Variants in TCF7L2 observed in about 807,000 individuals in gnomAD.
TCF7L2 encodes the protein transcription factor 7-like 2.
Under a neutral mutation model 77.9 loss-of-function variants are expected in TCF7L2, and 23 were observed. The observed-to-expected ratio is 0.30, with a 90% CI of 0.21 to 0.42. The LOEUF is 0.42. Ranked by LOEUF, TCF7L2 falls within the 10% of genes least tolerant of loss-of-function variation. TCF7L2 has a pLI of 1.00. For missense variants in TCF7L2, 654 were observed against 793.1 expected (o/e 0.82, Z 2.11); for synonymous variants, 413 against 340.2 (o/e 1.21, Z -2.36).
At chr10:112,979,889 A>C (rs1481526407) in intron 4 of TCF7L2, among the ~76,000 whole-genome samples, 1 of 152,248 alleles carries the variant, frequency 6.6e-6, no homozygotes, top group East Asian at 1.9e-4. Flanking sequence ...AGAAAATTTA[A>C]ATTAGCATCT....
intron 11 of TCF7L2, among the ~76,000 whole-genome samples, chr10:113,155,768 G>A (rs531928634): frequency 3.9e-5 from 6 of 152,144 alleles, no homozygotes; most frequent in Non-Finnish European, 8.8e-5. Context: ...AACTAGGCCC[G>A]CCTGCCTGTT....
At position 112,964,581 on chromosome 10, in the gene TCF7L2, A is replaced by G. The variant is rs372192243; in HGVS notation, c.407A>G (p.His136Arg). ...CTCCATTTTCAGTCCGGCAGCACAC[A>G]TTACTCTGCGTACAAAACGATTGAA... Residue 136 changes from histidine to arginine, a missense_variant, in exon 4 of 14, where the codon CAT becomes CGT. By Grantham distance (29) the His-to-Arg change is conservative. This residue lies in a region of TCF7L2 where 132 missense variants were observed against 123.7 expected (regional missense o/e 1.07). Transcript: ENST00000627217. The G allele has an allele frequency of 1.9e-5, 30 of 1,613,468 alleles. No individual in the cohort carries two copies. The highest frequency in any genetic ancestry group is 2.7e-5 in the African/African-American group (2 of 74,906).
chr10:113,020,440 G>A (rs536841078), intron 4 of TCF7L2, among the ~76,000 whole-genome samples: 29 of 152,174 alleles, frequency 1.9e-4, no homozygotes, highest in East Asian at 5.8e-4. Context: ...TGCAGAGCTC[G>A]GCTCCTGTTC....
rs143411121 is a variant in TCF7L2 at position 113,165,951 on chromosome 10, C to A, written c.1788C>A (p.Leu596=). The change falls in exon 14 of 14, where the codon CTC becomes CTA. Residue 596 remains leucine (L), a synonymous_variant. Coordinates refer to ENST00000627217, the MANE Select transcript of TCF7L2 (RefSeq NM_001146274.2). ...GGACCCAGCCCCAGCCGCTGTCGCT[C>A]GTCACCAAGTCTTTAGAATAGCTTT... 6.5e-7 allele frequency: 1 copy of A among 1,536,292 alleles called. No homozygotes were observed. Among genetic ancestry groups the A allele is most frequent in the African/African-American group, 1.4e-5 (1 of 72,226 alleles).
chr10:112,988,081 G>T (rs988356769), intron 4 of TCF7L2, among the ~76,000 whole-genome samples: 2 of 148,188 alleles, frequency 1.3e-5, no homozygotes, highest in Non-Finnish European at 3.0e-5. Flanking sequence ...TCAGAGGAGG[G>T]TGTTTGGGAC....
At chr10:112,956,197 C>T (rs2033547355) in intron 3 of TCF7L2, among the ~76,000 whole-genome samples, 2 of 152,018 alleles carry the variant, frequency 1.3e-5, no homozygotes, top group Non-Finnish European at 2.9e-5. Flanking sequence ...GGACCTTTCC[C>T]CCAGCTGTCT....
At chr10:113,030,611 C>A (rs1177485493) in intron 4 of TCF7L2, among the ~76,000 whole-genome samples, 2 of 152,192 alleles carry the variant, frequency 1.3e-5, no homozygotes, top group Non-Finnish European at 2.9e-5. Flanking sequence ...TCTGGCCTGC[C>A]TCTTAGTGGG....
chr10:113,091,577 C>T (rs765047815), intron 5 of TCF7L2, among the ~76,000 whole-genome samples: 11 of 152,212 alleles, frequency 7.2e-5, no homozygotes, highest in South Asian at 2.1e-4. Context: ...ATTAGCCAGG[C>T]GTGGTGGCGC....
chr10:113,096,300 A>T (rs2060966629), intron 5 of TCF7L2, among the ~76,000 whole-genome samples: 1 of 152,126 alleles, frequency 6.6e-6, no homozygotes, highest in Non-Finnish European at 1.5e-5. Context: ...ATGGAGAGGA[A>T]CCATATTTCA....
chr10:113,145,724 G>T (rs1035546632), intron 7 of TCF7L2, among the ~76,000 whole-genome samples: 1 of 152,132 alleles, frequency 6.6e-6, no homozygotes, highest in Admixed American at 6.5e-5. Context: ...GCGAGACTTC[G>T]CCTTTAATTA....
intron 7 of TCF7L2, 139 bp from the exon 8 acceptor site, chr10:113,145,872 G>A: frequency 2.8e-6 from 2 of 709,154 alleles, no homozygotes; most frequent in Admixed American, 2.4e-5. Flanking sequence ...GATCCTTCCT[G>A]TACAATCCCC....
At chr10:113,091,088 G>A (rs1449546198) in intron 5 of TCF7L2, among the ~76,000 whole-genome samples, 1 of 152,082 alleles carries the variant, frequency 6.6e-6, no homozygotes, top group African/African-American at 2.4e-5. Flanking sequence ...TTTTAATAGA[G>A]ACAGGGTTTT....
intron 5 of TCF7L2, among the ~76,000 whole-genome samples, chr10:113,082,839 A>C (rs781303310): frequency 6.6e-6 from 1 of 152,046 alleles, no homozygotes; most frequent in Non-Finnish European, 1.5e-5. Context: ...GTCATCCAGC[A>C]GCCAGCATCC....
intron 5 of TCF7L2, among the ~76,000 whole-genome samples, chr10:113,052,978 ATCTGAT>A (rs1359854308): frequency 1.3e-5 from 2 of 152,314 alleles, no homozygotes; most frequent in Non-Finnish European, 1.5e-5. Context: ...GAACTTCTTT[ATCTGAT>A]TCTTTTTTTG....
intron 5 of TCF7L2, among the ~76,000 whole-genome samples, chr10:113,060,719 T>G (rs1216765814): frequency 6.6e-6 from 1 of 151,996 alleles, no homozygotes. Context: ...GATGCGGAAG[T>G]GTAAATTGGT....
At chr10:113,119,396 T>C (rs1202313849) in intron 5 of TCF7L2, among the ~76,000 whole-genome samples, 1 of 152,206 alleles carries the variant, frequency 6.6e-6, no homozygotes, top group Non-Finnish European at 1.5e-5. Flanking sequence ...TATGCTGTTT[T>C]GAGTTTGAAA....
At position 113,119,543 on chromosome 10, in the gene TCF7L2, T is replaced by C. The variant is rs1056742339; in HGVS notation, c.553-21641T>C. Reference sequence around the variant, plus strand: ...AATCCCTCCCTGAATAAAGAAACCATGTTGGCACTAAGATCAGTCCTTGAA... The same window carrying C: ...AATCCCTCCCTGAATAAAGAAACCACGTTGGCACTAAGATCAGTCCTTGAA... On this transcript the variant is annotated intron_variant, in intron 5 of 13. Transcript: ENST00000627217. Among the ~76,000 whole-genome samples the C allele has an allele frequency of 1.7e-4, 26 of 152,090 alleles. 1 individual carries two copies. Among genetic ancestry groups the C allele is most frequent in the Non-Finnish European group, 3.5e-4 (24 of 68,036 alleles).
intron 4 of TCF7L2, among the ~76,000 whole-genome samples, chr10:112,981,216 T>G (rs1234537512): frequency 6.6e-6 from 1 of 151,860 alleles, no homozygotes; most frequent in Non-Finnish European, 1.5e-5. Context: ...AAGCTGTTTC[T>G]CTCTGAAGAA....
chr10:112,958,229 C>T lies in TCF7L2; in HGVS notation c.382-6327C>T, dbSNP rs569033412. On this transcript the variant is annotated intron_variant, in intron 3 of 13. Transcript: ENST00000627217. ...TTTTATTCTTTTTGTCATGCAGTAG[C>T]CCCAACCAGGTCGGTCTACGGAGGA... Among the ~76,000 whole-genome samples, 15 of 152,252 alleles carry T rather than the reference C, an allele frequency of 9.9e-5. No homozygotes were observed. The East Asian group carries it at 2.5e-3, about 25-fold the overall frequency.
Sources: allele counts gnomAD v4.1 joint callset (sites outside exome capture counted in the v4.1 genomes callset), GRCh38; gene constraint gnomAD v4.1.1; regional missense constraint gnomAD v4.1.1; transcripts MANE v1.5; gene names NCBI Gene and HGNC (gene_info 2026-07-23, HGNC 2026-07-21).